The following SLC17A8 variants were observed in gnomAD, a reference collection of about 807,000 sequenced individuals.
The protein encoded by SLC17A8 is solute carrier family 17 member 8, also known as vesicular glutamate transporter 3.
Under a neutral mutation model 58.0 loss-of-function variants are expected in SLC17A8, and 31 were observed. The ratio of observed to expected loss-of-function variants is 0.53; its 90% CI spans 0.40 to 0.72. The LOEUF (loss-of-function observed/expected upper bound fraction) is 0.72, where lower values mean the gene tolerates loss of function less well. SLC17A8 is among the 30% of genes least tolerant of loss of function. The pLI is 0.00. For missense variants in SLC17A8, 655 were observed against 727.8 expected (o/e 0.90, Z 1.15); for synonymous variants, 228 against 249.0 (o/e 0.92, Z 0.79).
intron 5 of SLC17A8, among the ~76,000 whole-genome samples, chr12:100,397,068 T>C (rs1952759238): frequency 6.6e-6 from 1 of 152,200 alleles, no homozygotes; most frequent in Non-Finnish European, 1.5e-5. Flanking sequence ...CTGTATCATA[T>C]GCTTTACTAA....
At chr12:100,374,251 G>T (rs1178476901) in intron 1 of SLC17A8, among the ~76,000 whole-genome samples, 2 of 152,156 alleles carry the variant, frequency 1.3e-5, no homozygotes, top group Non-Finnish European at 2.9e-5. Context: ...ACAGGGTGAG[G>T]GGGTTCTGTC....
At chr12:100,375,638 C>T (rs778549923) in intron 1 of SLC17A8, among the ~76,000 whole-genome samples, 2 of 152,238 alleles carry the variant, frequency 1.3e-5, no homozygotes, top group Non-Finnish European at 2.9e-5. Flanking sequence ...AGCTCCACAG[C>T]GCTTTCAGTT....
intron 1 of SLC17A8, among the ~76,000 whole-genome samples, chr12:100,372,423 C>G (rs1206042092): frequency 6.6e-6 from 1 of 152,186 alleles, no homozygotes; most frequent in Admixed American, 6.5e-5. Flanking sequence ...TCATAGTTCA[C>G]TGCAGTGTCC....
intron 1 of SLC17A8, among the ~76,000 whole-genome samples, chr12:100,363,970 C>T (rs890928105): frequency 2.0e-5 from 3 of 147,730 alleles, no homozygotes; most frequent in African/African-American, 7.6e-5. Flanking sequence ...TTGATTAAAC[C>T]CAAGGGGGAA....
intron 11 of SLC17A8, 132 bp downstream of exon 11, chr12:100,418,288 C>CTTT: frequency 1.0e-6 from 1 of 1,002,590 alleles, no homozygotes; most frequent in Non-Finnish European, 1.5e-6. Flanking sequence ...AGCTGAACTT[C>CTTT]TTTTTTTTTT....
At chr12:100,365,360 C>T (rs1952512727) in intron 1 of SLC17A8, among the ~76,000 whole-genome samples, 1 of 152,064 alleles carries the variant, frequency 6.6e-6, no homozygotes, top group South Asian at 2.1e-4. Flanking sequence ...TTGCCAGAAA[C>T]CTCATATAGT....
intron 2 of SLC17A8, among the ~76,000 whole-genome samples, chr12:100,385,288 G>A (rs1952666421): frequency 6.7e-6 from 1 of 148,400 alleles, no homozygotes; most frequent in African/African-American, 2.5e-5. Context: ...CCAGGCTGGA[G>A]TGCGGTGACA....
At chr12:100,361,424 C>G (rs1283179718) in intron 1 of SLC17A8, among the ~76,000 whole-genome samples, 5 of 152,248 alleles carry the variant, frequency 3.3e-5, no homozygotes, top group Admixed American at 6.5e-5. Flanking sequence ...AGCCTGATGG[C>G]TCATTCCCTC....
rs148620473 is a variant in SLC17A8 at position 100,393,399 on chromosome 12, G to A, written c.504G>A (p.Ser168=). Residue 168 remains serine (S), a synonymous_variant, in exon 4 of 12, where the codon TCG becomes TCA. Coordinates refer to ENST00000323346, the MANE Select transcript of SLC17A8 (RefSeq NM_139319.3). ...RVFGAAIFLT[S]TLNMFIPSAA... ...TTGGAGCTGCCATCTTCTTAACATC[G>A]ACTCTGAACATGTTTATTCCCTCTG... 90 of 1,613,488 alleles carry A rather than the reference G, an allele frequency of 5.6e-5. No individual in the cohort carries two copies. Among genetic ancestry groups the A allele is most frequent in the South Asian group, 6.6e-5 (6 of 91,026 alleles).
chr12:100,386,129 C>T (rs1384892392), intron 2 of SLC17A8, among the ~76,000 whole-genome samples: 3 of 152,138 alleles, frequency 2.0e-5, no homozygotes, highest in Non-Finnish European at 4.4e-5. Flanking sequence ...TTCACATCAG[C>T]AAAGACTTGT....
chr12:100,369,387 T>G (rs1952544033), intron 1 of SLC17A8, among the ~76,000 whole-genome samples: 1 of 152,248 alleles, frequency 6.6e-6, no homozygotes, highest in African/African-American at 2.4e-5. Context: ...GAACATATAC[T>G]TCTAGACTGT....
intron 10 of SLC17A8, among the ~76,000 whole-genome samples, chr12:100,413,874 G>A (rs1952888314): frequency 6.6e-6 from 1 of 152,154 alleles, no homozygotes; most frequent in Admixed American, 6.5e-5. Context: ...TTAGTCAGGA[G>A]GTTGAGGTGA....
intron 5 of SLC17A8, among the ~76,000 whole-genome samples, chr12:100,399,283 C>A (rs1318017533): frequency 1.3e-5 from 2 of 152,126 alleles, no homozygotes; most frequent in African/African-American, 2.4e-5. Context: ...CAGCTGGGGG[C>A]AGCTGCAGTA....
At chr12:100,402,053 A>G (rs1271851715) in intron 6 of SLC17A8, among the ~76,000 whole-genome samples, 190 bp downstream of exon 6, 2 of 152,210 alleles carry the variant, frequency 1.3e-5, no homozygotes, top group African/African-American at 4.8e-5. Flanking sequence ...TAAGTAGAAC[A>G]TTGTCTTTCT....
intron 4 of SLC17A8, among the ~76,000 whole-genome samples, chr12:100,394,375 T>G (rs1952737385): frequency 6.6e-6 from 1 of 151,782 alleles, no homozygotes; most frequent in African/African-American, 2.4e-5. Flanking sequence ...ATCATGGGTT[T>G]GATGTGTTAG....
chr12:100,413,463 G>A (rs1566404765), intron 10 of SLC17A8, among the ~76,000 whole-genome samples: 1 of 152,030 alleles, frequency 6.6e-6, no homozygotes, highest in African/African-American at 2.4e-5. Context: ...TCTGTGCCAG[G>A]GAATATTCCA....
intron 1 of SLC17A8, among the ~76,000 whole-genome samples, chr12:100,376,822 T>G (rs932293228): frequency 1.3e-5 from 2 of 152,154 alleles, no homozygotes; most frequent in Admixed American, 1.3e-4. Context: ...TTCTTTTCTT[T>G]TTTTTGAGAT....
intron 2 of SLC17A8, among the ~76,000 whole-genome samples, chr12:100,382,581 T>C (rs1952645232): frequency 6.6e-6 from 1 of 152,218 alleles, no homozygotes; most frequent in South Asian, 2.1e-4. Context: ...TCCCTCCCTC[T>C]ATTTGAAGAA....
intron 1 of SLC17A8, among the ~76,000 whole-genome samples, chr12:100,358,703 A>G (rs1176618457): frequency 1.3e-5 from 2 of 152,208 alleles, no homozygotes; most frequent in Admixed American, 1.3e-4. Context: ...AGAGTGTTTT[A>G]TCCTTCCGTT....
Sources: allele counts gnomAD v4.1 joint callset (sites outside exome capture counted in the v4.1 genomes callset), GRCh38; gene constraint gnomAD v4.1.1; transcripts MANE v1.5; gene names NCBI Gene and HGNC (gene_info 2026-07-23, HGNC 2026-07-21).